The following LIMS2 variants were observed in gnomAD, a reference collection of about 807,000 sequenced individuals.
The protein encoded by LIMS2 is LIM and senescent cell antigen-like-containing domain protein 2.
LIMS2 carries 30 observed loss-of-function variants against 45.3 expected under a neutral mutation model. The observed-to-expected ratio is 0.66, with a 90% CI of 0.50 to 0.90. The LOEUF is 0.90. Ranked by LOEUF, LIMS2 falls within the 40% of genes least tolerant of loss-of-function variation. The pLI, the probability that LIMS2 is intolerant of heterozygous loss-of-function variation, is 0.00. For synonymous variants in LIMS2, 173 were observed against 188.0 expected (o/e 0.92, Z 0.65); for missense variants, 485 against 468.7 (o/e 1.03, Z -0.32).
chr2:127,642,135 T>C lies in LIMS2; in HGVS notation c.574A>G (p.Lys192Glu). 6.2e-7 allele frequency: 1 copy of C among 1,605,664 alleles called. No individual in the cohort carries two copies. The highest frequency in any genetic ancestry group is 8.5e-7 in the Non-Finnish European group (1 of 1,175,778). ...GCCCCGCAGATGGGGACGCCCATCT[T>C]GTCATGGCAGGGCAGGCAGTAGAGC... Reference protein sequence around the residue: ...GELYCLPCHDKMGVPICGACR... With the variant: ...GELYCLPCHDEMGVPICGACR... The change falls in exon 6 of 10, where the codon AAG (lysine) becomes GAG (glutamate). Residue 192 changes from lysine (K) to glutamate (E), a missense_variant. Coordinates refer to ENST00000355119, the MANE Select transcript of LIMS2 (RefSeq NM_001161403.3). This position sits in a 1 kb window ranked among gnomAD's most constrained non-coding sequence, Gnocchi z 5.3.
At chr2:127,663,136 A>G (rs965046325) in intron 1 of LIMS2, among the ~76,000 whole-genome samples, 1 of 152,132 alleles carries the variant, frequency 6.6e-6, no homozygotes, top group African/African-American at 2.4e-5. Context: ...CAGTACTGTG[A>G]AAATCACTCC....
In LIMS2 at chr2:127,673,636, T is replaced by C. The variant is rs1573853064; in HGVS notation, c.11+1378A>G. ...CGCACCCTTCACGGCTCTGTTCTCC[T>C]CGACATCCCTCCTGTGCCTGAAGGA... On this transcript the variant is annotated intron_variant, in intron 1 of 9. Transcript: ENST00000355119. 2.6e-6 allele frequency: 4 copies of C among 1,544,124 alleles called. No homozygotes were observed. The East Asian group carries it at 9.8e-5, about 38-fold the overall frequency.
intron 2 of LIMS2, among the ~76,000 whole-genome samples, chr2:127,657,034 A>AGGG (rs1684303998): frequency 6.6e-6 from 1 of 151,534 alleles, no homozygotes; most frequent in Non-Finnish European, 1.5e-5. Flanking sequence ...ACCGCACCCC[A>AGGG]CCCCGGGAAC....
chr2:127,639,969 C>T (rs1682239151), intron 9 of LIMS2, 101 bp downstream of exon 9: 4 of 1,286,644 alleles, frequency 3.1e-6, no homozygotes, highest in South Asian at 1.2e-5. Flanking sequence ...CCACCATATC[C>T]CCAGGCCAGA....
At chr2:127,669,911 T>C (rs1233715295) in intron 1 of LIMS2, among the ~76,000 whole-genome samples, 2 of 152,174 alleles carry the variant, frequency 1.3e-5, no homozygotes, top group African/African-American at 4.8e-5. Context: ...TATCAGTCAT[T>C]AGGGAAATGG....
Position 127,642,814 on chromosome 2 carries a change from C to T in LIMS2, c.509+109G>A, listed in dbSNP as rs1334434307. 1.6e-5 allele frequency: 20 copies of T among 1,265,274 alleles called. No individual in the cohort carries two copies. The highest frequency in any genetic ancestry group is 2.5e-5 in the East Asian group (1 of 39,272). The allele number at this position is 1,265,274 out of a possible 1,614,324, so 78.4% of individuals were successfully genotyped here. A position where few individuals can be genotyped will look rare whatever the true frequency, so the allele number is the denominator to read the frequency against. On this transcript the variant is annotated intron_variant, in intron 5 of 9. Coordinates refer to ENST00000355119, the MANE Select transcript of LIMS2 (RefSeq NM_001161403.3). The surrounding 1 kb of genome is among the most constrained non-coding windows in gnomAD (Gnocchi z 5.3). ...GGGACCCCTCTGTCTGCCCACCCTG[C>T]TCCCCTCTCCCTCCTCAACACTTCC...
intron 1 of LIMS2, among the ~76,000 whole-genome samples, chr2:127,663,861 C>G (rs1374314400): frequency 1.3e-5 from 2 of 152,212 alleles, no homozygotes; most frequent in African/African-American, 4.8e-5. Context: ...CCATCCAGAG[C>G]CAACTCATTC....
At chr2:127,656,995 G>A (rs115492521) in intron 2 of LIMS2, among the ~76,000 whole-genome samples, 2,370 of 152,286 alleles carry the variant, frequency 0.016, 55 homozygotes, top group African/African-American at 0.054. Flanking sequence ...CCCCTCAGGT[G>A]TGCCCAAACC....
intron 4 of LIMS2, chr2:127,650,960 G>A: frequency 6.2e-7 from 1 of 1,613,906 alleles, no homozygotes; most frequent in Non-Finnish European, 8.5e-7. Flanking sequence ...ATCTGGCCGT[G>A]GCCGACTTGT....
Position 127,675,115 on chromosome 2 carries a change from C to T in LIMS2, c.-91G>A. 8.4e-7 allele frequency: 1 copy of T among 1,190,028 alleles called. No individual in the cohort carries two copies. Among genetic ancestry groups the T allele is most frequent in the Non-Finnish European group, 1.1e-6 (1 of 950,906 alleles). The allele number at this position is 1,190,028 out of a possible 1,614,324, so 73.7% of individuals were successfully genotyped here. A position where few individuals can be genotyped will look rare whatever the true frequency, so the allele number is the denominator to read the frequency against. ...GCCAGCCGAGCGCCCGCCCGCCAGCCCGGGCCGCGGAGCAGGGAGACGCCC... is the reference window on the plus strand; with the variant it reads ...GCCAGCCGAGCGCCCGCCCGCCAGCTCGGGCCGCGGAGCAGGGAGACGCCC... On this transcript the variant is annotated 5_prime_UTR_variant, in exon 1 of 10. Coordinates refer to ENST00000355119, the MANE Select transcript of LIMS2 (RefSeq NM_001161403.3).
At chr2:127,648,367 G>A in intron 4 of LIMS2, 1 of 202,630 alleles carries the variant, frequency 4.9e-6, no homozygotes, top group Non-Finnish European at 8.8e-6. Flanking sequence ...GGACATTGAT[G>A]GCCAGGTGCT....
chr2:127,644,755 C>T lies in LIMS2; in HGVS notation c.360-1683G>A, dbSNP rs34533005. 1.3e-3 allele frequency among the ~76,000 whole-genome samples: 196 copies of T among 152,338 alleles called. 6 individuals carry two copies. In the East Asian group the frequency reaches 0.035, roughly 28 times the overall value. ...ACCCCAATAACAGAAGGTCTGTGAG[C>T]CCAGAAATGCCCTGCTCAGGGTGGT... On this transcript the variant is annotated intron_variant, in intron 4 of 9. Transcript: ENST00000355119.
rs1037342411 is a variant in LIMS2 at position 127,647,280 on chromosome 2, G to A, written c.360-4208C>T. Reference sequence around the variant, plus strand: ...TGCTGAGCCTGGGAGACAACTCCATGGCAAACTCTGAGACTGAGTCACACT... The same window carrying A: ...TGCTGAGCCTGGGAGACAACTCCATAGCAAACTCTGAGACTGAGTCACACT... On this transcript the variant is annotated intron_variant, in intron 4 of 9. Coordinates refer to ENST00000355119, the MANE Select transcript of LIMS2 (RefSeq NM_001161403.3). The surrounding 1 kb of genome is among the most constrained non-coding windows in gnomAD (Gnocchi z 4.3). Among the ~76,000 whole-genome samples, 3 of 152,168 alleles carry A rather than the reference G, an allele frequency of 2.0e-5. No individual in the cohort carries two copies. Among genetic ancestry groups the A allele is most frequent in the African/African-American group, 7.2e-5 (3 of 41,450 alleles).
rs201608981 is a variant in LIMS2, at chr2:127,639,435, A to C, written c.879-7T>G. 1 of 1,613,398 alleles carries C rather than the reference A, an allele frequency of 6.2e-7. No homozygotes were observed. Among genetic ancestry groups the C allele is most frequent in the African/African-American group, 1.3e-5 (1 of 75,030 alleles). On this transcript the variant is annotated splice_region_variant and splice_polypyrimidine_tract_variant and intron_variant, in intron 9 of 9. Coordinates refer to ENST00000355119, the MANE Select transcript of LIMS2 (RefSeq NM_001161403.3). ...GAACTCCACAAACTTGTTCCTGAGGAGGAAGCTGAGCTGTCAGCAGAGCCC... is the reference window on the plus strand; with the variant it reads ...GAACTCCACAAACTTGTTCCTGAGGCGGAAGCTGAGCTGTCAGCAGAGCCC...
chr2:127,662,753 C>T (rs1005282429), intron 1 of LIMS2, among the ~76,000 whole-genome samples: 1 of 151,892 alleles, frequency 6.6e-6, no homozygotes, highest in African/African-American at 2.4e-5. Flanking sequence ...TGGAACAAAC[C>T]TGCAGGTTGT....
intron 4 of LIMS2, chr2:127,650,583 C>G: frequency 1.5e-6 from 1 of 652,884 alleles, no homozygotes; most frequent in South Asian, 1.9e-5. Context: ...GTCCCCTCAG[C>G]AGCCCCGTGG....
chr2:127,645,975 G>C (rs757730339), intron 4 of LIMS2: 1 of 151,416 alleles, frequency 6.6e-6, no homozygotes, highest in Non-Finnish European at 1.5e-5. Context: ...GCTGGGGGCG[G>C]GGGGCATGGG....
At chr2:127,673,164 G>A (rs1014663274) in intron 1 of LIMS2, among the ~76,000 whole-genome samples, 1 of 152,190 alleles carries the variant, frequency 6.6e-6, no homozygotes, top group Non-Finnish European at 1.5e-5. Context: ...GAAGGAGCGG[G>A]TGCATTACAC....
At chr2:127,649,963 A>G in intron 4 of LIMS2, 1 of 1,494,188 alleles carries the variant, frequency 6.7e-7, no homozygotes, top group Non-Finnish European at 9.2e-7. Context: ...AGCTGGCCTG[A>G]TACCCAGGCA....
Sources: allele counts gnomAD v4.1 joint callset (sites outside exome capture counted in the v4.1 genomes callset), GRCh38; gene constraint gnomAD v4.1.1; non-coding constraint Gnocchi (gnomAD v3.1); transcripts MANE v1.5; gene names NCBI Gene and HGNC (gene_info 2026-07-23, HGNC 2026-07-21).